Variants in RRBP1 observed in about 807,000 individuals in gnomAD.
The protein encoded by RRBP1 is ribosome binding protein 1, also known as ribosome-binding protein 1.
A neutral mutation model predicts 165.2 loss-of-function variants in RRBP1; 94 were observed. That is an observed-to-expected ratio of 0.57 (90% CI 0.48 to 0.68). The LOEUF (loss-of-function observed/expected upper bound fraction) is 0.68. Ranked by LOEUF, RRBP1 falls within the 30% of genes least tolerant of loss-of-function variation. The probability of loss-of-function intolerance (pLI) is 0.00; values close to 1 mark genes in which losing one functional copy is unlikely to be tolerated. For synonymous variants in RRBP1, 680 were observed against 714.5 expected, an observed-to-expected ratio of 0.95 and a Z score of 0.77; for missense variants, 1,676 against 1,763.0, an observed-to-expected ratio of 0.95 and a Z score of 0.88.
chr20:17,668,527 C>G (rs2036913029), intron 2 of RRBP1, among the ~76,000 whole-genome samples: 1 of 152,214 alleles, frequency 6.6e-6, no homozygotes, highest in South Asian at 2.1e-4. Context: ...CAGGGACTAA[C>G]TTTTACAAGA....
At chr20:17,629,043 T>C (rs963960869) in intron 9 of RRBP1, among the ~76,000 whole-genome samples, 2 of 152,116 alleles carry the variant, frequency 1.3e-5, no homozygotes, top group African/African-American at 4.8e-5. Flanking sequence ...AGCTGAGCAG[T>C]TGTGACAGAG....
Position 17,614,804 on chromosome 20 carries a change from G to A in RRBP1, c.4127C>T (p.Thr1376Met), listed in dbSNP as rs184544168. The A allele has an allele frequency of 6.6e-5, 106 of 1,613,834 alleles. 2 individuals are homozygous for A. Among genetic ancestry groups the A allele is most frequent in the Middle Eastern group, 4.9e-4 (3 of 6,062 alleles). The change falls in exon 24 of 25, where the codon ACG (threonine) becomes ATG (methionine). Residue 1376 changes from threonine to methionine, a missense_variant. This residue lies in a region of RRBP1 where 1,184 missense variants were observed against 1,167.1 expected (regional missense o/e 1.01). Transcript: ENST00000377813. ...CTCCCTTGCCAGCTGCTCCTGGGTC[G>A]TCTTCAGAAGCTCCTGCAGTCTCGT... ...AATRLQELLK[T>M]TQEQLAREKD... is the part of the protein sequence containing the mutation.
At position 17,629,133 on chromosome 20, in the gene RRBP1, G is replaced by A. The variant is rs117191905; in HGVS notation, c.2749+690C>T. 7.2e-3 allele frequency among the ~76,000 whole-genome samples: 1,090 copies of A among 152,326 alleles called. 8 individuals are homozygous for A. Among genetic ancestry groups the A allele is most frequent in the Middle Eastern group, 0.024 (7 of 294 alleles). On this transcript the variant is annotated intron_variant, in intron 9 of 24. Coordinates refer to ENST00000377813, the MANE Select transcript of RRBP1 (RefSeq NM_001365613.2). ...CCTGAACACAGTCCCTGTGTAGAGG[G>A]CCCTGCTGTGCAATCCTGTCCTTGC...
At position 17,621,911 on chromosome 20, in the gene RRBP1, G is replaced by C. The variant is rs2035921733; in HGVS notation, c.3184C>G (p.Gln1062Glu). ...AGAGCCAGCAGGGCCTCCATGGTCT[G>C]CGCCTCAATCAGACAGAGCTGCTTC... ...SEKQLCLIEA[Q>E]TMEALLALLP... The change falls in exon 14 of 25, where the codon CAG becomes GAG. Residue 1062 changes from glutamine to glutamate, a missense_variant. Coordinates refer to ENST00000377813, the MANE Select transcript of RRBP1 (RefSeq NM_001365613.2). 6.2e-7 allele frequency: 1 copy of C among 1,613,800 alleles called. No individual in the cohort carries two copies. Among genetic ancestry groups the C allele is most frequent in the African/African-American group, 1.3e-5 (1 of 75,032 alleles).
intron 2 of RRBP1, among the ~76,000 whole-genome samples, chr20:17,676,797 C>T (rs1216619040): frequency 6.6e-6 from 1 of 152,140 alleles, no homozygotes; most frequent in Non-Finnish European, 1.5e-5. Flanking sequence ...GTCGCCTAGG[C>T]TGGAGTGTAG....
chr20:17,652,145 G>A (rs1296597400), intron 3 of RRBP1, among the ~76,000 whole-genome samples: 10 of 152,176 alleles, frequency 6.6e-5, no homozygotes, highest in Non-Finnish European at 1.0e-4. Flanking sequence ...TGCACAGACC[G>A]GCTAGTGATC....
intron 16 of RRBP1, among the ~76,000 whole-genome samples, chr20:17,621,165 T>G (rs1340322684): frequency 6.6e-6 from 1 of 152,186 alleles, no homozygotes; most frequent in Non-Finnish European, 1.5e-5. Flanking sequence ...GGCATTGCTC[T>G]TAGTCACAAA....
chr20:17,645,106 C>T (rs944005238), intron 3 of RRBP1, among the ~76,000 whole-genome samples: 5 of 152,190 alleles, frequency 3.3e-5, no homozygotes, highest in African/African-American at 1.2e-4. Context: ...AGAGCTCTGG[C>T]CTCTCTTGAA....
rs374638243 is a variant in RRBP1, at chr20:17,643,103, A to G, written c.1937T>C (p.Leu646Pro). 7 of 1,613,926 alleles carry G rather than the reference A, an allele frequency of 4.3e-6. No homozygotes were observed. The highest frequency in any genetic ancestry group is 4.0e-5 in the African/African-American group (3 of 74,928). Residue 646 changes from leucine to proline, a missense_variant, in exon 4 of 25, where the codon CTC becomes CCC. Physicochemically the swap from Leu to Pro is moderately conservative, Grantham distance 98. This residue lies in a region of RRBP1 where 1,184 missense variants were observed against 1,167.1 expected (regional missense o/e 1.01). Coordinates refer to ENST00000377813, the MANE Select transcript of RRBP1 (RefSeq NM_001365613.2). The surrounding 1 kb of genome is among the most constrained non-coding windows in gnomAD (Gnocchi z 4.3). Reference protein sequence around the residue: ...EPGPPDADGPLYLPYKTLVST... With the variant: ...EPGPPDADGPPYLPYKTLVST... ...GACCAGCGTCTTGTAGGGGAGGTAG[A>G]GAGGGCCGTCGGCATCTGGGGGCCC...
At position 17,621,950 on chromosome 20, in the gene RRBP1, G is replaced by C. The variant is rs776458900; in HGVS notation, c.3148-3C>G. 6 of 1,608,722 alleles carry C rather than the reference G, an allele frequency of 3.7e-6. No homozygotes were observed. The highest frequency in any genetic ancestry group is 1.3e-5 in the African/African-American group (1 of 74,846). ...CAGAGCTGCTTCTCCGATTCCTCCT[G>C]GGGGGTGGGTGGGGAAGAGCGGAAG... is the stretch of plus-strand genomic sequence containing the variant. On this transcript the variant is annotated splice_region_variant and splice_polypyrimidine_tract_variant and intron_variant, in intron 13 of 24. Transcript: ENST00000377813.
intron 3 of RRBP1, among the ~76,000 whole-genome samples, chr20:17,644,958 T>C (rs981191917): frequency 1.6e-4 from 24 of 152,236 alleles, no homozygotes; most frequent in Admixed American, 3.3e-4. Flanking sequence ...ATCACATCCA[T>C]GGCTCACACG....
At chr20:17,674,884 T>C (rs1193033762) in intron 2 of RRBP1, among the ~76,000 whole-genome samples, 2 of 152,106 alleles carry the variant, frequency 1.3e-5, no homozygotes, top group Non-Finnish European at 2.9e-5. Context: ...TCCTGGTGAG[T>C]GTGTCGTCAC....
chr20:17,658,754 T>A lies in RRBP1; in HGVS notation c.1754A>T (p.Asn585Ile). Residue 585 changes from asparagine to isoleucine, a missense_variant, in exon 3 of 25, where the codon AAC becomes ATC. Transcript: ENST00000377813. ...SEGKKAEGSP[N>I]QGKKADAAAN... is the part of the protein sequence containing the mutation. ...AGCTGCGTCTGCCTTTTTGCCTTGG[T>A]TGGGGGACCCTTCTGCCTTTTTGCC... 1 of 1,612,788 alleles carries A rather than the reference T, an allele frequency of 6.2e-7. No homozygotes were observed. Among genetic ancestry groups the A allele is most frequent in the Non-Finnish European group, 8.5e-7 (1 of 1,178,768 alleles).
intron 5 of RRBP1, among the ~76,000 whole-genome samples, chr20:17,637,608 C>T (rs556968662): frequency 1.1e-4 from 16 of 152,300 alleles, no homozygotes; most frequent in South Asian, 2.1e-4. Context: ...TGAGGAAGTC[C>T]GTCCCCTCCC....
chr20:17,618,725 A>T, intron 19 of RRBP1, 46 bp from the exon 20 acceptor site: 1 of 1,474,190 alleles, frequency 6.8e-7, no homozygotes, highest in Non-Finnish European at 9.5e-7. Context: ...AGGAGAGAAA[A>T]GGAGAAAACC....
At position 17,674,454 on chromosome 20, in the gene RRBP1, A is replaced by T. The variant is rs2037036354; in HGVS notation, c.-22+5545T>A. Among the ~76,000 whole-genome samples the T allele has an allele frequency of 2.0e-5, 3 of 151,922 alleles. No homozygotes were observed. The South Asian group carries it at 6.3e-4, about 32-fold the overall frequency. On this transcript the variant is annotated intron_variant, in intron 2 of 24. Transcript: ENST00000377813. Reference sequence around the variant, plus strand: ...TGAGGACTGACCAAGAGAAAACAAAATGTAATGCCAACTATAAGAATTCTC... The same window carrying T: ...TGAGGACTGACCAAGAGAAAACAAATTGTAATGCCAACTATAAGAATTCTC...
intron 12 of RRBP1, 26 bp downstream of exon 12, chr20:17,625,486 T>G (rs978736159): frequency 6.2e-7 from 1 of 1,606,522 alleles, no homozygotes; most frequent in Admixed American, 1.7e-5. Flanking sequence ...GGCCCGTCCG[T>G]CCCCGCCTGT....
chr20:17,676,989 C>A (rs772515548), intron 2 of RRBP1, among the ~76,000 whole-genome samples: 2 of 151,950 alleles, frequency 1.3e-5, no homozygotes, highest in Non-Finnish European at 2.9e-5. Flanking sequence ...CTCAAGCGAT[C>A]CACCCGCCTT....
chr20:17,660,968 C>T (rs915960722), intron 2 of RRBP1, among the ~76,000 whole-genome samples: 8 of 152,124 alleles, frequency 5.3e-5, no homozygotes, highest in African/African-American at 1.9e-4. Flanking sequence ...CTGTCATGGC[C>T]GATTGCCCTA....
Sources: gnomAD v4.1 joint callset for allele counts (sites outside exome capture counted in the v4.1 genomes callset) on GRCh38, gnomAD v4.1.1 for gene constraint, gnomAD v4.1.1 regional missense constraint, Gnocchi (gnomAD v3.1) non-coding constraint, MANE v1.5 for transcripts, NCBI Gene and HGNC (gene_info 2026-07-23, HGNC 2026-07-21) for gene names.